The following EPHA4 variants were observed in gnomAD, a reference collection of about 807,000 sequenced individuals.
The protein encoded by EPHA4 is ephrin type-A receptor 4.
In EPHA4, 19 loss-of-function variants were observed where a neutral mutation model predicts 108.3. The ratio of observed to expected loss-of-function variants is 0.18; its 90% CI spans 0.12 to 0.26. EPHA4 has a LOEUF of 0.26. Ranked by LOEUF, EPHA4 falls within the 10% of genes least tolerant of loss-of-function variation. The pLI is 1.00. For missense variants in EPHA4, 917 were observed against 1,254.0 expected, an observed-to-expected ratio of 0.73 and a Z score of 4.06; for synonymous variants, 449 against 455.5, an observed-to-expected ratio of 0.99 and a Z score of 0.18.
intron 5 of EPHA4, among the ~76,000 whole-genome samples, chr2:221,458,972 CA>C (rs764145890): frequency 1.3e-5 from 2 of 152,158 alleles, no homozygotes; most frequent in Non-Finnish European, 2.9e-5. Flanking sequence ...AAACAAATGT[CA>C]AAAACTGGCC....
chr2:221,509,309 C>G (rs1692735301), intron 3 of EPHA4, among the ~76,000 whole-genome samples: 1 of 152,194 alleles, frequency 6.6e-6, no homozygotes, highest in Admixed American at 6.5e-5. Flanking sequence ...GCCTGGGCAA[C>G]AAGAGCAAAA....
At chr2:221,552,189 T>C (rs1266062406) in intron 3 of EPHA4, among the ~76,000 whole-genome samples, 1 of 152,170 alleles carries the variant, frequency 6.6e-6, no homozygotes. Flanking sequence ...AACAAGCCTA[T>C]CAAACATTCT....
At chr2:221,568,268 T>A (rs1694726898) in intron 2 of EPHA4, among the ~76,000 whole-genome samples, 1 of 152,212 alleles carries the variant, frequency 6.6e-6, no homozygotes, top group African/African-American at 2.4e-5. Flanking sequence ...TACAGAGCCT[T>A]CCTGCAGTTC....
intron 3 of EPHA4, among the ~76,000 whole-genome samples, chr2:221,532,434 T>C (rs1270011743): frequency 1.3e-5 from 2 of 152,228 alleles, no homozygotes; most frequent in African/African-American, 2.4e-5. Context: ...GATAGTTCAA[T>C]TTATTCTATC....
chr2:221,434,357 A>G, intron 13 of EPHA4, 66 bp from the exon 14 acceptor site: 4 of 1,549,080 alleles, frequency 2.6e-6, no homozygotes, highest in Middle Eastern at 1.7e-4. Context: ...TAGATTCTGA[A>G]TGTAGTTCCT....
chr2:221,549,859 C>T (rs1207716531), intron 3 of EPHA4, among the ~76,000 whole-genome samples: 1 of 152,166 alleles, frequency 6.6e-6, no homozygotes, highest in Non-Finnish European at 1.5e-5. Context: ...GTCATGGTGG[C>T]ATGTGCCTGT....
At chr2:221,566,945 AGAAGG>A (rs1559297349) in intron 2 of EPHA4, among the ~76,000 whole-genome samples, 1,630 of 44,702 alleles carry the variant, frequency 0.036, 502 homozygotes, top group Middle Eastern at 0.048. Context: ...AAGGAGAAGG[AGAAGG>A]AGAAGGGGAA....
At chr2:221,438,264 T>C (rs1167248892) in intron 11 of EPHA4, among the ~76,000 whole-genome samples, 3 of 152,082 alleles carry the variant, frequency 2.0e-5, no homozygotes, top group Admixed American at 2.0e-4. Context: ...AAAAGTCCGC[T>C]TTCTGAGGAC....
At chr2:221,565,408 A>C (rs2106210324) in intron 2 of EPHA4, among the ~76,000 whole-genome samples, 1 of 152,322 alleles carries the variant, frequency 6.6e-6, no homozygotes, top group Admixed American at 6.5e-5. Flanking sequence ...TTCTTCATTA[A>C]CATCTACAGT....
intron 3 of EPHA4, among the ~76,000 whole-genome samples, chr2:221,560,970 C>G (rs1003031190): frequency 1.1e-4 from 16 of 152,228 alleles, no homozygotes; most frequent in African/African-American, 3.4e-4. Context: ...TGGCTGGGCG[C>G]GGTGGCTCAC....
chr2:221,457,543 G>T (rs918703434), intron 6 of EPHA4, among the ~76,000 whole-genome samples: 2 of 152,174 alleles, frequency 1.3e-5, no homozygotes, highest in East Asian at 3.8e-4. Context: ...AGAAAGTAAA[G>T]ATATAGTTAT....
rs529978381 is a variant in EPHA4, at chr2:221,550,647, AG to A, written c.823+13083del. ...ATAGAAGAGAAAGCCAAATTACTAA[AG>A]TTTACTAACTAGCCCATAGTCACAT... is the stretch of plus-strand genomic sequence containing the variant. On this transcript the variant is annotated intron_variant, in intron 3 of 17. Transcript: ENST00000281821. 5.4e-4 allele frequency among the ~76,000 whole-genome samples: 82 copies of A among 152,304 alleles called. 1 individual carries two copies. The highest frequency in any genetic ancestry group is 1.1e-3 in the Non-Finnish European group (72 of 68,010).
At chr2:221,461,778 T>C (rs534519574) in intron 5 of EPHA4, among the ~76,000 whole-genome samples, 2 of 152,242 alleles carry the variant, frequency 1.3e-5, no homozygotes, top group South Asian at 4.2e-4. Flanking sequence ...AAAAACACTT[T>C]CTAATGTCAA....
intron 3 of EPHA4, among the ~76,000 whole-genome samples, chr2:221,551,400 G>A (rs1420666701): frequency 1.3e-5 from 2 of 152,024 alleles, no homozygotes; most frequent in Non-Finnish European, 1.5e-5. Context: ...TTTTGGGGAG[G>A]GGTTCTTTTT....
chr2:221,507,014 T>C (rs968974154), intron 3 of EPHA4, among the ~76,000 whole-genome samples: 1 of 152,234 alleles, frequency 6.6e-6, no homozygotes, highest in East Asian at 1.9e-4. Flanking sequence ...CAATTCCAAA[T>C]GTCATCTATT....
chr2:221,521,597 G>A (rs992692473), intron 3 of EPHA4, among the ~76,000 whole-genome samples: 1 of 152,194 alleles, frequency 6.6e-6, no homozygotes, highest in African/African-American at 2.4e-5. Flanking sequence ...TTCATGAACT[G>A]TAGATTCAGA....
chr2:221,565,346 GAA>G (rs2106210290), intron 2 of EPHA4, among the ~76,000 whole-genome samples: 1 of 152,236 alleles, frequency 6.6e-6, no homozygotes, highest in South Asian at 2.1e-4. Context: ...AAAATAATCC[GAA>G]AAGCAGCAAA....
intron 4 of EPHA4, among the ~76,000 whole-genome samples, chr2:221,484,029 T>G (rs1275790344): frequency 6.6e-6 from 1 of 152,158 alleles, no homozygotes; most frequent in African/African-American, 2.4e-5. Flanking sequence ...TAAGAAAAAT[T>G]TGAGGTTTCT....
At chr2:221,462,394 AGGAGATTTCAGCAG>A (rs1295472324) in intron 5 of EPHA4, among the ~76,000 whole-genome samples, 1 of 151,764 alleles carries the variant, frequency 6.6e-6, no homozygotes, top group East Asian at 1.9e-4. Context: ...ATTACCCCTA[AGGAGATTTCAGCAG>A]TTTTTAACCC....
Sources: gnomAD v4.1 joint callset for allele counts (sites outside exome capture counted in the v4.1 genomes callset) on GRCh38, gnomAD v4.1.1 for gene constraint, MANE v1.5 for transcripts, NCBI Gene and HGNC (gene_info 2026-07-23, HGNC 2026-07-21) for gene names.